FMNL3: variants seen among roughly 807,000 people sequenced by gnomAD.
The protein encoded by FMNL3 is formin like 3.
FMNL3 carries 57 observed loss-of-function variants against 119.6 expected under a neutral mutation model. That is an observed-to-expected ratio of 0.48 (90% CI 0.39 to 0.59). The LOEUF (loss-of-function observed/expected upper bound fraction) is 0.59, where lower values mean the gene tolerates loss of function less well. Among genes scored for constraint, FMNL3 ranks in the 20% least tolerant of loss-of-function variants. FMNL3 has a pLI of 0.00. For synonymous variants in FMNL3, 491 were observed against 507.3 expected, an observed-to-expected ratio of 0.97 and a Z score of 0.43; for missense variants, 1,053 against 1,323.5, an observed-to-expected ratio of 0.80 and a Z score of 3.17.
At chr12:49,661,880 GA>G in intron 5 of FMNL3, 85 bp downstream of exon 5, 2 of 1,262,520 alleles carry the variant, frequency 1.6e-6, no homozygotes, top group East Asian at 4.7e-5. Flanking sequence ...CTTCATTGTT[GA>G]ACTCTCACCC....
intron 21 of FMNL3, 138 bp downstream of exon 21, chr12:49,648,891 G>A (rs748719842): frequency 4.2e-5 from 56 of 1,335,356 alleles, no homozygotes; most frequent in Middle Eastern, 2.7e-4. Flanking sequence ...AGGCTCCAGC[G>A]GAAAGCTTTG....
Position 49,641,804 on chromosome 12 carries a change from C to G in FMNL3, c.*4011G>C. 1.1e-6 allele frequency: 1 copy of G among 915,346 alleles called. No individual in the cohort carries two copies. Among genetic ancestry groups the G allele is most frequent in the East Asian group, 2.4e-5 (1 of 41,270 alleles). 56.7% of individuals were successfully genotyped at this position (915,346 alleles called of 1,614,324 possible). A position where few individuals can be genotyped will look rare whatever the true frequency, so the allele number is the denominator to read the frequency against. On this transcript the variant is annotated 3_prime_UTR_variant, in exon 26 of 26. Transcript: ENST00000335154. The stretch of plus-strand genomic sequence containing the variant: ...AGACCACAGTCCTGTGGATCTCTTC[C>G]AGAGGCAAGGGCCTTCTTGACCATC...
intron 1 of FMNL3, among the ~76,000 whole-genome samples, chr12:49,674,711 C>G (rs1944137189): frequency 6.6e-6 from 1 of 152,218 alleles, no homozygotes; most frequent in African/African-American, 2.4e-5. Flanking sequence ...AGCTACCACT[C>G]TGGTGATGAG....
intron 6 of FMNL3, 150 bp downstream of exon 6, chr12:49,658,292 C>A: frequency 8.3e-7 from 1 of 1,198,636 alleles, no homozygotes; most frequent in Non-Finnish European, 1.1e-6. Flanking sequence ...ACAGAGAAGA[C>A]AGACCAGAGA....
Position 49,637,220 on chromosome 12 carries a change from C to G in FMNL3, c.*8595G>C. On this transcript the variant is annotated 3_prime_UTR_variant, in exon 26 of 26. Transcript: ENST00000335154. ...GCTAGGGGTTACTGCAGGCAGGTTT[C>G]TGTTTCTTTGCATCCCGGGACTGGC... 2 of 575,106 alleles carry G rather than the reference C, an allele frequency of 3.5e-6. No homozygotes were observed. Among genetic ancestry groups the G allele is most frequent in the South Asian group, 4.3e-5 (2 of 46,162 alleles). 35.6% of individuals were successfully genotyped at this position (575,106 alleles called of 1,614,324 possible). A position where few individuals can be genotyped will look rare whatever the true frequency, so the allele number is the denominator to read the frequency against.
At chr12:49,697,758 C>T (rs867312408) in intron 1 of FMNL3, among the ~76,000 whole-genome samples, 1 of 152,150 alleles carries the variant, frequency 6.6e-6, no homozygotes, top group Middle Eastern at 3.4e-3. Context: ...CTCCTGTAAG[C>T]ATCCTCAAAA....
rs542266861 is a variant in FMNL3 at position 49,641,940 on chromosome 12, C to T, written c.*3875G>A. On this transcript the variant is annotated 3_prime_UTR_variant, in exon 26 of 26. Transcript: ENST00000335154. ...GCTTCTGCGTGGAGGTGAACACGGC[C>T]TTTGAGGACTTCGCCCACGTCATAA... The T allele has an allele frequency of 5.0e-6, 8 of 1,613,832 alleles. No homozygotes were observed. The highest frequency in any genetic ancestry group is 1.7e-4 in the Middle Eastern group (1 of 5,870).
chr12:49,643,074 C>A lies in FMNL3; in HGVS notation c.*2741G>T. On this transcript the variant is annotated 3_prime_UTR_variant, in exon 26 of 26. Coordinates refer to ENST00000335154, the MANE Select transcript of FMNL3 (RefSeq NM_175736.5). The stretch of plus-strand genomic sequence containing the variant: ...AGCTGGGTTGTTTTGGGGAAATAAA[C>A]ACTTTGTTTTCCCCTTACAATATCT... The A allele has an allele frequency of 6.3e-7, 1 of 1,594,686 alleles. No homozygotes were observed. The highest frequency in any genetic ancestry group is 8.6e-7 in the Non-Finnish European group (1 of 1,163,846).
chr12:49,697,505 C>T (rs375403269), intron 1 of FMNL3, among the ~76,000 whole-genome samples: 19 of 152,176 alleles, frequency 1.2e-4, no homozygotes, highest in African/African-American at 4.6e-4. Context: ...AAAACATGAC[C>T]CAAACACAGA....
chr12:49,670,799 C>T lies in FMNL3; in HGVS notation c.127-2245G>A, dbSNP rs539447634. Among the ~76,000 whole-genome samples the T allele has an allele frequency of 2.6e-5, 4 of 152,308 alleles. No individual in the cohort carries two copies. In the South Asian group the frequency reaches 6.2e-4, roughly 24 times the overall value. On this transcript the variant is annotated intron_variant, in intron 1 of 25. Transcript: ENST00000335154. ...TTGTTAAGGCCAATCTCAGCATACC[C>T]GTGTGGACAGCAGGACAGGAGCAAG...
chr12:49,650,003 T>A, intron 17 of FMNL3, 78 bp from the exon 18 acceptor site: 2 of 1,280,470 alleles, frequency 1.6e-6, no homozygotes, highest in Non-Finnish European at 2.2e-6. Flanking sequence ...TCCAAGCTCC[T>A]AGAAGAACTG....
chr12:49,692,290 A>G (rs934912365), intron 1 of FMNL3, among the ~76,000 whole-genome samples: 8 of 151,746 alleles, frequency 5.3e-5, no homozygotes, highest in African/African-American at 1.9e-4. Flanking sequence ...TGATCACACT[A>G]CTGCACTCTG....
chr12:49,648,172 C>A (rs758992422), intron 22 of FMNL3, 21 bp downstream of exon 22: 7 of 1,604,622 alleles, frequency 4.4e-6, no homozygotes. Flanking sequence ...GTTGCTCCCA[C>A]CGCCTGCACC....
intron 16 of FMNL3, 134 bp downstream of exon 16, chr12:49,651,034 T>G: frequency 6.8e-7 from 1 of 1,462,578 alleles, no homozygotes; most frequent in Non-Finnish European, 9.4e-7. Flanking sequence ...ATACGTACAC[T>G]CAAGAATGAA....
At chr12:49,683,873 C>A (rs142982976) in intron 1 of FMNL3, among the ~76,000 whole-genome samples, 1 of 152,280 alleles carries the variant, frequency 6.6e-6, no homozygotes, top group African/African-American at 2.4e-5. Flanking sequence ...CATGCTGTCT[C>A]AATTTAATGC....
At chr12:49,701,072 C>G (rs1481926035) in intron 1 of FMNL3, among the ~76,000 whole-genome samples, 2 of 133,734 alleles carry the variant, frequency 1.5e-5, no homozygotes, top group Non-Finnish European at 3.1e-5. Flanking sequence ...GAGTGAGACT[C>G]CATCTCAAAA....
intron 11 of FMNL3, 23 bp from the exon 12 acceptor site, chr12:49,653,897 G>A: frequency 6.2e-7 from 1 of 1,613,058 alleles, no homozygotes; most frequent in Non-Finnish European, 8.5e-7. Context: ...CAGAGAGTAG[G>A]AGTAGTTGTA....
chr12:49,682,109 C>A (rs1188337246), intron 1 of FMNL3, among the ~76,000 whole-genome samples: 1 of 145,208 alleles, frequency 6.9e-6, no homozygotes, highest in African/African-American at 2.6e-5. Flanking sequence ...CTCACTCTGT[C>A]GCCCAGGCTG....
intron 1 of FMNL3, among the ~76,000 whole-genome samples, chr12:49,688,230 A>C (rs1944516992): frequency 6.6e-6 from 1 of 152,218 alleles, no homozygotes; most frequent in African/African-American, 2.4e-5. Flanking sequence ...AAAGGGCAGA[A>C]GCCACCATCA....
Sources: gnomAD v4.1 joint callset for allele counts (sites outside exome capture counted in the v4.1 genomes callset) on GRCh38, gnomAD v4.1.1 for gene constraint, MANE v1.5 for transcripts, NCBI Gene and HGNC (gene_info 2026-07-23, HGNC 2026-07-21) for gene names.